The following GAB3 variants were observed in gnomAD, a reference collection of about 807,000 sequenced individuals.
The protein encoded by GAB3 is GRB2 associated binding protein 3.
GAB3 carries 12 observed loss-of-function variants against 40.4 expected under a neutral mutation model. The observed-to-expected ratio is 0.30, with a 90% CI of 0.19 to 0.48. The LOEUF (loss-of-function observed/expected upper bound fraction) is 0.48, where lower values mean the gene tolerates loss of function less well. Among genes scored for constraint, GAB3 ranks in the 20% least tolerant of loss-of-function variants. The pLI, the probability that GAB3 is intolerant of heterozygous loss-of-function variation, is 0.99. For synonymous variants in GAB3, 154 were observed against 176.7 expected (o/e 0.87, Z 1.02); for missense variants, 381 against 461.9 (o/e 0.82, Z 1.61).
At chrX:154,695,825 G>A in intron 8 of GAB3, 92 bp downstream of exon 8, 1 of 491,663 alleles carries the variant, frequency 2.0e-6, no homozygotes, top group South Asian at 4.3e-5. Context: ...AATTGCACAG[G>A]GCTTACTGAA....
chrX:154,679,321 G>A (rs1557246278), intron 9 of GAB3: 1 of 318,663 alleles, frequency 3.1e-6, no homozygotes, highest in East Asian at 1.0e-4. Context: ...GAGATGACCT[G>A]GAACACAAAG....
At chrX:154,691,871 C>T (rs1245201367) in intron 8 of GAB3, among the ~76,000 whole-genome samples, 7 of 111,605 alleles carry the variant, frequency 6.3e-5, no homozygotes, top group East Asian at 2.8e-4. Flanking sequence ...TGATTTTCAA[C>T]GAGATTTTCA....
At chrX:154,741,336 G>A (rs894993364) in intron 1 of GAB3, among the ~76,000 whole-genome samples, 4 of 111,505 alleles carry the variant, frequency 3.6e-5, no homozygotes, top group South Asian at 7.5e-4. Flanking sequence ...GTATTAGTCC[G>A]TTCTCACACT....
At chrX:154,689,410 T>G (rs1228723286) in intron 8 of GAB3, among the ~76,000 whole-genome samples, 9 of 111,934 alleles carry the variant, frequency 8.0e-5, no homozygotes, top group Admixed American at 3.8e-4. Context: ...TGGAAGTTCT[T>G]GCCAGGGCAG....
chrX:154,700,066 GAA>G lies in GAB3; in HGVS notation c.1070-9_1070-8del. ...GATTGGCCTTCTACATCAGCTGCAA[GAA>G]ATAAGCCAAGGTGGTGAGAAATGCA... On this transcript the variant is annotated splice_region_variant and splice_polypyrimidine_tract_variant and intron_variant, in intron 4 of 9. Coordinates refer to ENST00000424127, the MANE Select transcript of GAB3 (RefSeq NM_001081573.3). 2 of 1,200,105 alleles carry G rather than the reference GAA, an allele frequency of 1.7e-6. No individual in the cohort carries two copies. The highest frequency in any genetic ancestry group is 2.3e-6 in the Non-Finnish European group (2 of 886,071).
At chrX:154,687,865 T>C (rs2070483214) in intron 8 of GAB3, among the ~76,000 whole-genome samples, 1 of 111,869 alleles carries the variant, frequency 8.9e-6, no homozygotes, top group Non-Finnish European at 1.9e-5. Context: ...ATAGAAAATC[T>C]ACACAAATAT....
Position 154,716,264 on chromosome X carries a change from C to T in GAB3, c.138G>A (p.Glu46=). The T allele has an allele frequency of 8.2e-7, 1 of 1,212,606 alleles. No individual in the cohort carries two copies. The highest frequency in any genetic ancestry group is 3.0e-5 in the East Asian group (1 of 33,888). The change falls in exon 2 of 10, where the codon GAG becomes GAA. Residue 46 remains glutamate (E), a synonymous_variant. Coordinates refer to ENST00000424127, the MANE Select transcript of GAB3 (RefSeq NM_001081573.3). ...GRMSGNPDVL[E]YYRNKHSSKP... is the part of the protein sequence containing the mutation. ...TGCTGGAGTGCTTGTTCCTGTAGTA[C>T]TCCAAGACATCGGGGTTGCCGCTCA...
intron 6 of GAB3, among the ~76,000 whole-genome samples, chrX:154,697,478 T>G (rs149807727): frequency 2.1e-3 from 237 of 111,890 alleles, no homozygotes; most frequent in African/African-American, 7.5e-3. Flanking sequence ...CTTCTAGGTG[T>G]CGAAGGCACA....
At chrX:154,743,062 C>G (rs1243318771) in intron 1 of GAB3, among the ~76,000 whole-genome samples, 1 of 107,622 alleles carries the variant, frequency 9.3e-6, no homozygotes, top group Non-Finnish European at 1.9e-5. Context: ...TTAAAAACCA[C>G]TGAAATCTGT....
intron 1 of GAB3, among the ~76,000 whole-genome samples, chrX:154,727,830 G>T (rs1420710076): frequency 1.5e-4 from 17 of 111,647 alleles, no homozygotes; most frequent in Admixed American, 1.5e-3. Context: ...ACTGAACAAC[G>T]AACAAGGCTT....
At chrX:154,708,125 A>G (rs1240322820) in intron 4 of GAB3, among the ~76,000 whole-genome samples, 3 of 112,212 alleles carry the variant, frequency 2.7e-5, no homozygotes, top group Non-Finnish European at 5.6e-5. Flanking sequence ...CAATGGAGAA[A>G]GGAGAGTCTC....
At chrX:154,683,915 T>C (rs1235708842) in intron 8 of GAB3, among the ~76,000 whole-genome samples, 1 of 111,818 alleles carries the variant, frequency 8.9e-6, no homozygotes, top group African/African-American at 3.2e-5. Context: ...CCATTTGAGG[T>C]TCATGTGTCA....
chrX:154,732,267 C>T (rs1477870769), intron 1 of GAB3, among the ~76,000 whole-genome samples: 1 of 111,557 alleles, frequency 9.0e-6, no homozygotes, highest in African/African-American at 3.3e-5. Context: ...CATAGTCTAG[C>T]AAGAGGTCCT....
intron 1 of GAB3, among the ~76,000 whole-genome samples, chrX:154,734,094 C>T (rs933846803): frequency 2.7e-5 from 3 of 112,419 alleles, no homozygotes; most frequent in African/African-American, 6.5e-5. Flanking sequence ...GTTCTCCTGG[C>T]CAAAGACCCT....
intron 4 of GAB3, among the ~76,000 whole-genome samples, chrX:154,701,043 G>T (rs1238988097): frequency 9.0e-6 from 1 of 111,338 alleles, no homozygotes; most frequent in African/African-American, 3.3e-5. Flanking sequence ...AGATGTACAA[G>T]TACTGGTTAA....
At chrX:154,738,280 T>G (rs1557260782) in intron 1 of GAB3, among the ~76,000 whole-genome samples, 3 of 112,389 alleles carry the variant, frequency 2.7e-5, no homozygotes, top group Non-Finnish European at 5.6e-5. Flanking sequence ...GGAGTTTATT[T>G]AGTTCTGGTA....
At chrX:154,696,298 C>CAAAAAAAAAAAAAA (rs35105330) in intron 7 of GAB3, among the ~76,000 whole-genome samples, 1 of 40,146 alleles carries the variant, frequency 2.5e-5, no homozygotes. Context: ...TATCATTTAG[C>CAAAAAAAAAAAAAA]AAAAAAAAAA....
At chrX:154,750,564 C>T (rs1351137919) in intron 1 of GAB3, among the ~76,000 whole-genome samples, 2 of 112,375 alleles carry the variant, frequency 1.8e-5, no homozygotes, top group African/African-American at 3.2e-5. Flanking sequence ...TATCCCCTGC[C>T]GCGTCTCCTT....
At chrX:154,684,872 T>C (rs1415288257) in intron 8 of GAB3, among the ~76,000 whole-genome samples, 1 of 111,786 alleles carries the variant, frequency 8.9e-6, no homozygotes, top group Non-Finnish European at 1.9e-5. Flanking sequence ...CCTTGACATA[T>C]TGCCTCTCTC....
Sources: gnomAD v4.1 joint callset for allele counts (sites outside exome capture counted in the v4.1 genomes callset) on GRCh38, gnomAD v4.1.1 for gene constraint, MANE v1.5 for transcripts, NCBI Gene and HGNC (gene_info 2026-07-23, HGNC 2026-07-21) for gene names.